The following ZNF626 variants were observed in gnomAD, a reference collection of about 807,000 sequenced individuals.
The protein encoded by ZNF626 is zinc finger protein 626.
A neutral mutation model predicts 11.7 loss-of-function variants in ZNF626; 4 were observed. The observed-to-expected ratio is 0.34, with a 90% confidence interval of 0.17 to 0.78. The LOEUF (loss-of-function observed/expected upper bound fraction) is 0.78. Ranked by LOEUF, ZNF626 falls within the 30% of genes least tolerant of loss-of-function variation. The probability of loss-of-function intolerance (pLI) is 0.57; values close to 1 mark genes in which losing one functional copy is unlikely to be tolerated. For missense variants in ZNF626, 588 were observed against 587.1 expected, an observed-to-expected ratio of 1.00 and a Z score of -0.01; for synonymous variants, 179 against 198.6, an observed-to-expected ratio of 0.90 and a Z score of 0.83.
At chr19:20,647,880 G>A (rs1599484444) in intron 1 of ZNF626, among the ~76,000 whole-genome samples, 1 of 152,172 alleles carries the variant, frequency 6.6e-6, no homozygotes, top group East Asian at 1.9e-4. Context: ...TAGTCCGAAT[G>A]TAACCATAAA....
At chr19:20,653,904 C>T (rs782135551) in intron 1 of ZNF626, among the ~76,000 whole-genome samples, 4 of 152,018 alleles carry the variant, frequency 2.6e-5, no homozygotes, top group Non-Finnish European at 5.9e-5. Flanking sequence ...TTTGGGTGGC[C>T]ACATCACCTG....
chr19:20,650,643 A>G (rs1970136478), intron 1 of ZNF626, among the ~76,000 whole-genome samples: 1 of 152,168 alleles, frequency 6.6e-6, no homozygotes, highest in South Asian at 2.1e-4. Context: ...GGTGAATCTC[A>G]ACAGAACTGG....
chr19:20,642,625 CAAAA>C (rs1322427022), intron 3 of ZNF626, among the ~76,000 whole-genome samples: 2 of 151,866 alleles, frequency 1.3e-5, no homozygotes, highest in Non-Finnish European at 2.9e-5. Flanking sequence ...CAACAACAAA[CAAAA>C]AAACTACACT....
chr19:20,645,725 G>T lies in ZNF626; in HGVS notation c.185C>A (p.Pro62His), dbSNP rs782046725. ...CATCTCATTTCTCTTCATGGTCAAA[G>T]GTTTTCTTCCTTGCTCCAGACAGGT... ...LITCLEQGRK[P>H]LTMKRNEMIA... is the part of the protein sequence containing the mutation. The change falls in exon 3 of 4, where the codon CCT (proline) becomes CAT (histidine). Residue 62 changes from proline to histidine, a missense_variant. By Grantham distance (77) the Pro-to-His change is moderately conservative. Coordinates refer to ENST00000601440, the MANE Select transcript of ZNF626 (RefSeq NM_001076675.3). 1 of 1,611,816 alleles carries T rather than the reference G, an allele frequency of 6.2e-7. No homozygotes were observed. Among genetic ancestry groups the T allele is most frequent in the South Asian group, 1.1e-5 (1 of 90,588 alleles).
intron 2 of ZNF626, 89 bp from the exon 3 acceptor site, chr19:20,645,868 A>T (rs1388006805): frequency 3.4e-6 from 3 of 883,052 alleles, no homozygotes; most frequent in Middle Eastern, 2.8e-4. Context: ...ATGTGATAAA[A>T]TATTCTAGTA....
intron 1 of ZNF626, 41 bp downstream of exon 1, chr19:20,661,403 A>G: frequency 1.2e-6 from 2 of 1,613,480 alleles, no homozygotes; most frequent in Non-Finnish European, 1.7e-6. Flanking sequence ...GGTTCCAACC[A>G]GTCCCTCTCC....
intron 3 of ZNF626, among the ~76,000 whole-genome samples, chr19:20,642,933 C>T (rs73537351): frequency 0.034 from 5,201 of 151,638 alleles, 295 homozygotes; most frequent in African/African-American, 0.12. Context: ...ACTGCTTGAA[C>T]CCGGAAGGTG....
intron 3 of ZNF626, chr19:20,644,805 CAAGTAT>C (rs1402095080): frequency 6.6e-6 from 1 of 152,000 alleles, no homozygotes; most frequent in African/African-American, 2.4e-5. Context: ...AATTAACATA[CAAGTAT>C]ATCTATGGTT....
At position 20,623,941 on chromosome 19, in the gene ZNF626, GA is replaced by G; in HGVS notation, c.*348del. 1 of 384,056 alleles carries G rather than the reference GA, an allele frequency of 2.6e-6. No individual in the cohort carries two copies. The allele number at this position is 384,056 out of a possible 1,614,324, so 23.8% of individuals were successfully genotyped here. On this transcript the variant is annotated 3_prime_UTR_variant, in exon 4 of 4. Transcript: ENST00000601440. ...ATCTGTCACATTCTTTATATTTGTA[GA>G]GTTTATATTTCATATCAATTCTTAG...
At chr19:20,626,929 T>A (rs1318453621) in intron 3 of ZNF626, among the ~76,000 whole-genome samples, 1 of 152,044 alleles carries the variant, frequency 6.6e-6, no homozygotes, top group Non-Finnish European at 1.5e-5. Flanking sequence ...GCCGGAGAAT[T>A]GCTTGAACTC....
At chr19:20,660,390 C>A (rs1461573219) in intron 1 of ZNF626, among the ~76,000 whole-genome samples, 1 of 151,996 alleles carries the variant, frequency 6.6e-6, no homozygotes, top group Non-Finnish European at 1.5e-5. Context: ...TGAAATTACT[C>A]ACAATGTTTA....
At chr19:20,649,827 G>A (rs1012214565) in intron 1 of ZNF626, among the ~76,000 whole-genome samples, 2 of 149,354 alleles carry the variant, frequency 1.3e-5, no homozygotes, top group African/African-American at 4.9e-5. Context: ...TGCTCCCCCC[G>A]CCCCTTGGCG....
chr19:20,659,944 A>T (rs529723981), intron 1 of ZNF626, among the ~76,000 whole-genome samples: 11 of 151,426 alleles, frequency 7.3e-5, no homozygotes, highest in African/African-American at 2.7e-4. Flanking sequence ...CGCAAGGGAG[A>T]CTCCCCAGAA....
At chr19:20,634,937 A>T (rs576675955) in intron 3 of ZNF626, among the ~76,000 whole-genome samples, 27 of 152,368 alleles carry the variant, frequency 1.8e-4, no homozygotes, top group African/African-American at 5.8e-4. Flanking sequence ...AGAATGCAGC[A>T]CATATGTTAG....
chr19:20,624,796 T>A lies in ZNF626; in HGVS notation c.1081A>T (p.Arg361Ter). The A allele has an allele frequency of 6.2e-7, 1 of 1,613,794 alleles. No individual in the cohort carries two copies. Among genetic ancestry groups the A allele is most frequent in the South Asian group, 1.1e-5 (1 of 91,068 alleles). ...TAGGGTTTCTCTCCAGTATGAATTC[T>A]CTTATGTGTAGTAAGGGTAGAGGAG... Reference protein sequence around the residue: ...KYSSTLTTHKRIHTGEKPYKC... With the variant: ...KYSSTLTTHK The change falls in exon 4 of 4, where the codon AGA (arginine) becomes TGA (stop). Residue 361 changes from arginine (R) to a stop codon, truncating the protein, a stop_gained. Transcript: ENST00000601440. LOFTEE classifies it low-confidence loss of function (END_TRUNC).
intron 3 of ZNF626, among the ~76,000 whole-genome samples, chr19:20,629,852 GT>G (rs1422157356): frequency 6.6e-6 from 1 of 152,152 alleles, no homozygotes; most frequent in African/African-American, 2.4e-5. Flanking sequence ...TCCCTGTCTT[GT>G]GCCAGTTTTC....
intron 3 of ZNF626, among the ~76,000 whole-genome samples, chr19:20,644,023 C>T (rs1198544090): frequency 1.3e-5 from 2 of 152,174 alleles, no homozygotes; most frequent in Non-Finnish European, 2.9e-5. Flanking sequence ...ACTCTGTAGC[C>T]ACCACAAACT....
chr19:20,645,902 G>A lies in ZNF626; in HGVS notation c.131-123C>T, dbSNP rs186309196. On this transcript the variant is annotated intron_variant, in intron 2 of 3. Transcript: ENST00000601440. ...TAAATTAATACAAAAATACTAAGTT[G>A]TAACAGAAATTTTTAAATAATTAGA... 7.2e-6 allele frequency: 5 copies of A among 695,034 alleles called. No homozygotes were observed. In the African/African-American group the frequency reaches 9.4e-5, roughly 13 times the overall value. 43.1% of individuals were successfully genotyped at this position (695,034 alleles called of 1,614,324 possible). A position where few individuals can be genotyped will look rare whatever the true frequency, so the allele number is the denominator to read the frequency against.
intron 1 of ZNF626, among the ~76,000 whole-genome samples, chr19:20,652,685 G>A (rs971369387): frequency 1.3e-5 from 2 of 152,020 alleles, no homozygotes; most frequent in Non-Finnish European, 2.9e-5. Context: ...TTATTTTAAC[G>A]TCTCTGAGTT....
Sources: allele counts gnomAD v4.1 joint callset (sites outside exome capture counted in the v4.1 genomes callset), GRCh38; gene constraint gnomAD v4.1.1; transcripts MANE v1.5; gene names NCBI Gene and HGNC (gene_info 2026-07-23, HGNC 2026-07-21).